Variants in PDS5B observed in about 807,000 individuals in gnomAD.
The protein encoded by PDS5B is PDS5 cohesin associated factor B, also known as sister chromatid cohesion protein PDS5 homolog B.
PDS5B carries 51 observed loss-of-function variants against 184.1 expected under a neutral mutation model. The observed-to-expected ratio is 0.28, with a 90% CI of 0.22 to 0.35. The LOEUF (loss-of-function observed/expected upper bound fraction) is 0.35, where lower values mean the gene tolerates loss of function less well. Ranked by LOEUF, PDS5B falls within the 10% of genes least tolerant of loss-of-function variation. The probability of loss-of-function intolerance (pLI) is 1.00; values close to 1 mark genes in which losing one functional copy is unlikely to be tolerated. For missense variants in PDS5B, 1,180 were observed against 1,723.3 expected (o/e 0.68, Z 5.58); for synonymous variants, 566 against 569.2 (o/e 0.99, Z 0.08).
intron 5 of PDS5B, 32 bp downstream of exon 5, chr13:32,658,563 A>T (rs1950571665): frequency 2.7e-6 from 3 of 1,130,120 alleles, no homozygotes; most frequent in Non-Finnish European, 3.8e-6. Flanking sequence ...TGTAACATTA[A>T]AAAAAGGTAA....
intron 10 of PDS5B, among the ~76,000 whole-genome samples, chr13:32,683,064 G>T (rs1302704462): frequency 3.9e-5 from 6 of 151,928 alleles, no homozygotes; most frequent in African/African-American, 1.2e-4. Flanking sequence ...CCAGACTGGA[G>T]TACAGTGGCA....
chr13:32,604,501 C>T (rs995508648), intron 1 of PDS5B, among the ~76,000 whole-genome samples: 10 of 152,142 alleles, frequency 6.6e-5, no homozygotes, highest in African/African-American at 2.2e-4. Flanking sequence ...ATTTTTGCAT[C>T]GATGTTCATC....
At chr13:32,642,033 G>A (rs1179666181) in intron 1 of PDS5B, among the ~76,000 whole-genome samples, 1 of 152,128 alleles carries the variant, frequency 6.6e-6, no homozygotes, top group Non-Finnish European at 1.5e-5. Flanking sequence ...AGGAACAAAG[G>A]TTTCGAATCT....
intron 6 of PDS5B, among the ~76,000 whole-genome samples, chr13:32,660,250 A>G (rs1321193309): frequency 6.6e-6 from 1 of 152,218 alleles, no homozygotes; most frequent in Non-Finnish European, 1.5e-5. Flanking sequence ...GTAGACCTGC[A>G]GAGGCTCTTC....
At chr13:32,667,707 A>T in intron 6 of PDS5B, 57 bp from the exon 7 acceptor site, 1 of 958,388 alleles carries the variant, frequency 1.0e-6, no homozygotes, top group South Asian at 1.6e-5. Flanking sequence ...AATACAGGTA[A>T]TATTTTGCTT....
chr13:32,635,029 G>T (rs1490855522), intron 1 of PDS5B, among the ~76,000 whole-genome samples: 2 of 140,540 alleles, frequency 1.4e-5, no homozygotes, highest in African/African-American at 5.3e-5. Flanking sequence ...TTTTAAAGAG[G>T]CCGGGCCTTA....
intron 1 of PDS5B, among the ~76,000 whole-genome samples, chr13:32,602,005 G>A (rs2057982554): frequency 6.6e-6 from 1 of 151,936 alleles, no homozygotes; most frequent in South Asian, 2.1e-4. Context: ...TAAGAAGTTA[G>A]GTTTTAATAT....
At chr13:32,661,728 C>T (rs912962650) in intron 6 of PDS5B, among the ~76,000 whole-genome samples, 1 of 151,928 alleles carries the variant, frequency 6.6e-6, no homozygotes, top group Non-Finnish European at 1.5e-5. Context: ...CCAGGCCCAT[C>T]CTGAAATTGT....
chr13:32,645,438 A>G (rs937120043), intron 1 of PDS5B, among the ~76,000 whole-genome samples: 1 of 152,236 alleles, frequency 6.6e-6, no homozygotes, highest in Admixed American at 6.5e-5. Flanking sequence ...TAGTAAAGCC[A>G]TCTAGACTTG....
intron 1 of PDS5B, among the ~76,000 whole-genome samples, chr13:32,597,427 A>C (rs569018454): frequency 6.6e-6 from 1 of 152,090 alleles, no homozygotes; most frequent in East Asian, 1.9e-4. Context: ...GGCTGGGTGC[A>C]GTGGTATGGT....
chr13:32,767,805 G>T (rs1441314207), intron 31 of PDS5B, among the ~76,000 whole-genome samples: 2 of 152,014 alleles, frequency 1.3e-5, no homozygotes, highest in Non-Finnish European at 2.9e-5. Flanking sequence ...ATATATAATT[G>T]CAAAATTCCA....
chr13:32,664,185 T>C (rs590558), intron 6 of PDS5B, among the ~76,000 whole-genome samples: 35,163 of 152,056 alleles, frequency 0.23, 4,373 homozygotes, highest in South Asian at 0.38. Context: ...ATAGTAGGTG[T>C]GTTATATTAG....
Position 32,640,182 on chromosome 13 carries a change from CAT to C in PDS5B, c.-19-8567_-19-8566del, listed in dbSNP as rs778205112. 5.9e-5 allele frequency among the ~76,000 whole-genome samples: 9 copies of C among 152,172 alleles called. 1 individual carries two copies. In the South Asian group the frequency reaches 6.2e-4, roughly 11 times the overall value. On this transcript the variant is annotated intron_variant, in intron 1 of 34. Transcript: ENST00000315596. ...GTACTCAGTGTGATTAAAAGATTCT[CAT>C]ATATTTAATTAATGATCATTTTATT...
chr13:32,691,507 A>G (rs1260418403), intron 13 of PDS5B, among the ~76,000 whole-genome samples: 3 of 152,142 alleles, frequency 2.0e-5, no homozygotes, highest in Non-Finnish European at 1.5e-5. Context: ...TCAATTTAAT[A>G]TACACATGCA....
At chr13:32,662,929 CA>C (rs1390803713) in intron 6 of PDS5B, among the ~76,000 whole-genome samples, 1 of 151,982 alleles carries the variant, frequency 6.6e-6, no homozygotes, top group Non-Finnish European at 1.5e-5. Flanking sequence ...TGAAAAAGAT[CA>C]AAAGACAATT....
At chr13:32,693,849 TTAAA>T (rs1175370916) in intron 13 of PDS5B, among the ~76,000 whole-genome samples, 2 of 151,674 alleles carry the variant, frequency 1.3e-5, no homozygotes, top group African/African-American at 4.8e-5. Context: ...TGTTTACAAT[TTAAA>T]TAAGATTTGT....
At chr13:32,620,651 C>T (rs1171966288) in intron 1 of PDS5B, among the ~76,000 whole-genome samples, 13 of 131,956 alleles carry the variant, frequency 9.9e-5, no homozygotes, top group African/African-American at 2.8e-4. Flanking sequence ...AGCGAGACTC[C>T]GTCTCAAAAA....
intron 19 of PDS5B, among the ~76,000 whole-genome samples, chr13:32,716,748 G>A (rs1952443539): frequency 7.2e-6 from 1 of 139,190 alleles, no homozygotes; most frequent in South Asian, 2.4e-4. Flanking sequence ...ACTGGGAAGT[G>A]AGGGGCCCCT....
chr13:32,758,308 G>A (rs1034162896), intron 27 of PDS5B, 89 bp downstream of exon 27: 15 of 1,122,134 alleles, frequency 1.3e-5, no homozygotes. Context: ...TTTATAGATA[G>A]CATCAAATAA....
Sources: gnomAD v4.1 joint callset for allele counts (sites outside exome capture counted in the v4.1 genomes callset) on GRCh38, gnomAD v4.1.1 for gene constraint, MANE v1.5 for transcripts, NCBI Gene and HGNC (gene_info 2026-07-23, HGNC 2026-07-21) for gene names.